The following SEC14L6 variants were observed in gnomAD, a reference collection of about 807,000 sequenced individuals.
The protein encoded by SEC14L6 is SEC14 like lipid binding 6.
Under a neutral mutation model 54.1 loss-of-function variants are expected in SEC14L6, and 40 were observed. The ratio of observed to expected loss-of-function variants is 0.74; its 90% CI spans 0.57 to 0.96. SEC14L6 has a LOEUF of 0.96. SEC14L6 is among the 40% of genes least tolerant of loss of function. The pLI, the probability that SEC14L6 is intolerant of heterozygous loss-of-function variation, is 0.00. For missense variants in SEC14L6, 471 were observed against 498.3 expected, an observed-to-expected ratio of 0.95 and a Z score of 0.52; for synonymous variants, 171 against 198.4, an observed-to-expected ratio of 0.86 and a Z score of 1.16.
At chr22:30,539,371 T>G (rs2085657076) in intron 1 of SEC14L6, among the ~76,000 whole-genome samples, 3 of 151,902 alleles carry the variant, frequency 2.0e-5, no homozygotes, top group Non-Finnish European at 4.4e-5. Context: ...GAGTGAGACT[T>G]TGTCTCAAAA....
At chr22:30,534,388 T>C (rs1417249499) in intron 2 of SEC14L6, among the ~76,000 whole-genome samples, 5 of 150,032 alleles carry the variant, frequency 3.3e-5, no homozygotes, top group African/African-American at 1.2e-4. Flanking sequence ...GAGCCCTTAA[T>C]ACTCTTTAAT....
rs776719480 is a variant in SEC14L6 at position 30,525,075 on chromosome 22, A to G, written c.1116T>C (p.Val372=). The change falls in exon 12 of 12, where the codon GTT becomes GTC. Residue 372 remains valine (V), a synonymous_variant. Coordinates refer to ENST00000402034, the MANE Select transcript of SEC14L6 (RefSeq NM_001193336.4). ...CGGTGTAGCTGATGCGTTTAGAATG[A>G]ACCAGGCTGTAGGTGTTGTAAAACC... is the stretch of plus-strand genomic sequence containing the variant. ...VLRFYNTYSL[V]HSKRISYTVE... 7.3e-5 allele frequency: 113 copies of G among 1,549,794 alleles called. No individual in the cohort carries two copies. The highest frequency in any genetic ancestry group is 8.9e-5 in the Non-Finnish European group (102 of 1,146,382).
At chr22:30,539,694 C>G (rs897884886) in intron 1 of SEC14L6, among the ~76,000 whole-genome samples, 5 of 152,190 alleles carry the variant, frequency 3.3e-5, no homozygotes, top group African/African-American at 2.4e-5. Flanking sequence ...TGTCTTTGAC[C>G]GTTCCCTCCC....
intron 6 of SEC14L6, among the ~76,000 whole-genome samples, chr22:30,531,004 C>T (rs1009680680): frequency 5.3e-5 from 8 of 152,276 alleles, no homozygotes; most frequent in South Asian, 4.2e-4. Flanking sequence ...GTCAGGGAAT[C>T]GGGCCCTGTT....
At chr22:30,532,197 T>G in intron 5 of SEC14L6, 199 bp from the exon 6 acceptor site, 1 of 985,448 alleles carries the variant, frequency 1.0e-6, no homozygotes, top group Non-Finnish European at 1.2e-6. Context: ...TGTCTGTCCA[T>G]GGGAGGCCAA....
At chr22:30,539,547 G>A (rs1200759778) in intron 1 of SEC14L6, among the ~76,000 whole-genome samples, 1 of 152,244 alleles carries the variant, frequency 6.6e-6, no homozygotes, top group African/African-American at 2.4e-5. Flanking sequence ...GGAGGATAAA[G>A]TGCACAGAGT....
chr22:30,527,541 A>G (rs1936815180), intron 8 of SEC14L6, among the ~76,000 whole-genome samples: 1 of 151,802 alleles, frequency 6.6e-6, no homozygotes, highest in Non-Finnish European at 1.5e-5. Flanking sequence ...TGAGCGCTAC[A>G]CTGAAAAAGT....
chr22:30,544,045 T>A, intron 1 of SEC14L6: 1 of 1,543,712 alleles, frequency 6.5e-7, no homozygotes, highest in Non-Finnish European at 8.9e-7. Flanking sequence ...CGAGCTGTCC[T>A]TCTCAGAGTA....
At position 30,539,102 on chromosome 22, in the gene SEC14L6, C is replaced by T. The variant is rs759132769; in HGVS notation, c.55-200G>A. ...TATAAAGAACCAACTACAGGCCAGG[C>T]GCGGTGGCTCACGCCTGTAATCCCA... On this transcript the variant is annotated intron_variant, in intron 1 of 11. Transcript: ENST00000402034. 1.8e-4 allele frequency among the ~76,000 whole-genome samples: 28 copies of T among 152,118 alleles called. 1 individual carries two copies. The highest frequency in any genetic ancestry group is 2.8e-4 in the Non-Finnish European group (19 of 68,028).
Position 30,523,901 on chromosome 22 carries a change from C to A in SEC14L6, c.*1096G>T, listed in dbSNP as rs1936683454. ...CTTTAACATCTGAGGTTTTGCTAAT[C>A]CTGGAGGGCCTGCCTCTCCTAGAGA... On this transcript the variant is annotated 3_prime_UTR_variant, in exon 12 of 12. Coordinates refer to ENST00000402034, the MANE Select transcript of SEC14L6 (RefSeq NM_001193336.4). 1.3e-5 allele frequency: 2 copies of A among 152,212 alleles called. No individual in the cohort carries two copies. Among genetic ancestry groups the A allele is most frequent in the African/African-American group, 4.8e-5 (2 of 41,448 alleles). 9.4% of individuals were successfully genotyped at this position (152,212 alleles called of 1,614,324 possible). A position where few individuals can be genotyped will look rare whatever the true frequency, so the allele number is the denominator to read the frequency against.
intron 8 of SEC14L6, among the ~76,000 whole-genome samples, chr22:30,527,789 G>A (rs1375347137): frequency 1.3e-5 from 2 of 150,044 alleles, no homozygotes; most frequent in Non-Finnish European, 2.9e-5. Flanking sequence ...CCATTTCTAG[G>A]ATTTTATCCT....
At chr22:30,526,594 G>T (rs543387080) in intron 8 of SEC14L6, among the ~76,000 whole-genome samples, 1 of 152,202 alleles carries the variant, frequency 6.6e-6, no homozygotes, top group African/African-American at 2.4e-5. Flanking sequence ...GCTGGGCCTG[G>T]TGGTGCACTC....
intron 6 of SEC14L6, among the ~76,000 whole-genome samples, chr22:30,530,798 C>T (rs905406287): frequency 1.1e-4 from 17 of 152,196 alleles, no homozygotes; most frequent in Non-Finnish European, 2.4e-4. Context: ...CAGGCCTCCC[C>T]ACAGCTTCCC....
chr22:30,525,625 C>G lies in SEC14L6; in HGVS notation c.897G>C (p.Pro299=), dbSNP rs749523382. Residue 299 remains proline (P), a synonymous_variant, in exon 10 of 12, where the codon CCG becomes CCC. Transcript: ENST00000402034. ...SLQVENEILF[P]GCVLRWQFAS... ...GCCATCCCTACCTGAGCACACAGCC[C>G]GGGAACAGGATCTCGTTCTCCACCT... The G allele has an allele frequency of 1.2e-6, 2 of 1,608,508 alleles. No homozygotes were observed. The highest frequency in any genetic ancestry group is 1.3e-5 in the African/African-American group (1 of 74,664).
chr22:30,542,839 G>A (rs2085748946), intron 1 of SEC14L6: 16 of 1,596,564 alleles, frequency 1.0e-5, no homozygotes, highest in Non-Finnish European at 1.4e-5. Flanking sequence ...CTTCCCCCGG[G>A]TAACAACTGT....
At chr22:30,540,909 C>T (rs1299651821) in intron 1 of SEC14L6, among the ~76,000 whole-genome samples, 2 of 151,674 alleles carry the variant, frequency 1.3e-5, no homozygotes, top group African/African-American at 4.9e-5. Flanking sequence ...ATCAAAGCTA[C>T]TCAGGAGGCT....
intron 8 of SEC14L6, among the ~76,000 whole-genome samples, chr22:30,528,422 C>CTTTTTTTTTTTTTTTTTTTTTT (rs375073961): frequency 2.8e-5 from 3 of 105,522 alleles, no homozygotes; most frequent in African/African-American, 4.0e-5. Flanking sequence ...CGCTCGGCCT[C>CTTTTTTTTTTTTTTTTTTTTTT]TTTTTTTTTT....
At position 30,543,800 on chromosome 22, in the gene SEC14L6, A is replaced by G. The variant is rs140241421; in HGVS notation, c.54+2829T>C. ...GGCTCCACTTCTTCTACAAGGTTGC[A>G]TGAACCCGAGAAGAATGCCAGAAAA... On this transcript the variant is annotated intron_variant, in intron 1 of 11. Transcript: ENST00000402034. The G allele has an allele frequency of 2.4e-5, 36 of 1,514,060 alleles. No homozygotes were observed. In the Middle Eastern group the frequency reaches 1.4e-3, roughly 57 times the overall value. 93.8% of individuals were successfully genotyped at this position (1,514,060 alleles called of 1,614,324 possible).
chr22:30,528,186 G>A (rs1470857192), intron 8 of SEC14L6, among the ~76,000 whole-genome samples: 5 of 146,630 alleles, frequency 3.4e-5, no homozygotes, highest in Admixed American at 1.4e-4. Flanking sequence ...GCACTGGCGC[G>A]ATCTCAGCTC....
Sources: allele counts gnomAD v4.1 joint callset (sites outside exome capture counted in the v4.1 genomes callset), GRCh38; gene constraint gnomAD v4.1.1; transcripts MANE v1.5; gene names NCBI Gene and HGNC (gene_info 2026-07-23, HGNC 2026-07-21).